KIF26B: variants seen among roughly 807,000 people sequenced by gnomAD.
KIF26B encodes kinesin family member 26B, also known as kinesin-like protein KIF26B.
KIF26B carries 63 observed loss-of-function variants against 151.2 expected under a neutral mutation model. The ratio of observed to expected loss-of-function variants is 0.42; its 90% CI spans 0.34 to 0.51. KIF26B has a LOEUF of 0.51. KIF26B is among the 20% of genes least tolerant of loss of function. KIF26B has a pLI of 0.07. For missense variants in KIF26B, 2,813 were observed against 2,913.6 expected, an observed-to-expected ratio of 0.97 and a Z score of 0.79; for synonymous variants, 1,357 against 1,262.1, an observed-to-expected ratio of 1.08 and a Z score of -1.59.
At chr1:245,643,088 A>T (rs924277811) in intron 9 of KIF26B, among the ~76,000 whole-genome samples, 1 of 152,126 alleles carries the variant, frequency 6.6e-6, no homozygotes, top group Non-Finnish European at 1.5e-5. Flanking sequence ...CCACACTTAC[A>T]CGTTTAAATG....
At chr1:245,176,258 C>G (rs903820487) in intron 2 of KIF26B, among the ~76,000 whole-genome samples, 8 of 151,300 alleles carry the variant, frequency 5.3e-5, no homozygotes, top group African/African-American at 2.0e-4. Flanking sequence ...CTCAGCCTCC[C>G]AAAGTGCTGG....
chr1:245,351,676 G>A (rs1335825484), intron 2 of KIF26B, among the ~76,000 whole-genome samples: 1 of 152,206 alleles, frequency 6.6e-6, no homozygotes, highest in Admixed American at 6.5e-5. Flanking sequence ...GGCCAAGGCT[G>A]TGACACTAGA....
At chr1:245,701,992 C>A (rs1291138807) in intron 14 of KIF26B, among the ~76,000 whole-genome samples, 5 of 152,202 alleles carry the variant, frequency 3.3e-5, no homozygotes, top group African/African-American at 9.7e-5. Context: ...GCCTGAACAT[C>A]AGGAAAGGCA....
intron 10 of KIF26B, chr1:245,676,245 G>A (rs916016178): frequency 6.6e-6 from 1 of 152,178 alleles, no homozygotes; most frequent in African/African-American, 2.4e-5. Flanking sequence ...CACTTCCTGA[G>A]CAGAACTTAA....
intron 10 of KIF26B, among the ~76,000 whole-genome samples, chr1:245,677,961 A>T (rs2044376003): frequency 6.6e-6 from 1 of 152,200 alleles, no homozygotes. Context: ...GGGATAAGGA[A>T]CTGCGGAGAT....
At position 245,488,524 on chromosome 1, in the gene KIF26B, C is replaced by G. The variant is rs891206955; in HGVS notation, c.1167-52243C>G. ...CTGAGCAGTTCCTGAAGAAACAGCC[C>G]CCGGGGAATGAACTACCCCCTCTGC... On this transcript the variant is annotated intron_variant, in intron 4 of 14. Coordinates refer to ENST00000407071, the MANE Select transcript of KIF26B (RefSeq NM_018012.4). This position sits in a 1 kb window ranked among gnomAD's most constrained non-coding sequence, Gnocchi z 4.6. Among the ~76,000 whole-genome samples the G allele has an allele frequency of 2.0e-5, 3 of 152,036 alleles. No homozygotes were observed. The highest frequency in any genetic ancestry group is 4.8e-5 in the African/African-American group (2 of 41,342).
intron 3 of KIF26B, among the ~76,000 whole-genome samples, chr1:245,411,818 C>G (rs1674292843): frequency 6.6e-6 from 1 of 152,128 alleles, no homozygotes; most frequent in South Asian, 2.1e-4. Flanking sequence ...CTTTCTCTCT[C>G]TTATGAGCAA....
At chr1:245,370,339 G>C (rs558305407) in intron 3 of KIF26B, among the ~76,000 whole-genome samples, 3 of 151,784 alleles carry the variant, frequency 2.0e-5, no homozygotes, top group African/African-American at 7.3e-5. Flanking sequence ...TCATTTATTA[G>C]GTTGGTGCAA....
rs74587457 is a variant in KIF26B, at chr1:245,365,563, C to A, written c.466-1271C>A. ...CAAACCGCCTTCAGCTCTGATGGGGCTTCTACCCCATGCAAGCTGACAGTG... is the reference window on the plus strand; with the variant it reads ...CAAACCGCCTTCAGCTCTGATGGGGATTCTACCCCATGCAAGCTGACAGTG... On this transcript the variant is annotated intron_variant, in intron 2 of 14. Coordinates refer to ENST00000407071, the MANE Select transcript of KIF26B (RefSeq NM_018012.4). Among the ~76,000 whole-genome samples the A allele has an allele frequency of 4.5e-3, 684 of 150,946 alleles. 7 individuals carry two copies. The highest frequency in any genetic ancestry group is 0.016 in the African/African-American group (650 of 40,534).
chr1:245,188,377 T>C (rs912059513), intron 2 of KIF26B, among the ~76,000 whole-genome samples: 13 of 151,068 alleles, frequency 8.6e-5, no homozygotes, highest in Admixed American at 8.6e-4. Context: ...GTGAGGCCAG[T>C]TTGGGAACCA....
chr1:245,602,283 G>A lies in KIF26B; in HGVS notation c.1351-294G>A, dbSNP rs1034879423. Among the ~76,000 whole-genome samples, 5 of 152,286 alleles carry A rather than the reference G, an allele frequency of 3.3e-5. No individual in the cohort carries two copies. Among genetic ancestry groups the A allele is most frequent in the African/African-American group, 9.6e-5 (4 of 41,564 alleles). On this transcript the variant is annotated intron_variant, in intron 5 of 14. Transcript: ENST00000407071. The surrounding 1 kb of genome is among the most constrained non-coding windows in gnomAD (Gnocchi z 4.5). ...CTTTTCATCTGTGTAATTGGGCCAC[G>A]AGGGCGCAGTTAATATTCAATTTAT...
chr1:245,250,202 G>A (rs374793269), intron 2 of KIF26B, among the ~76,000 whole-genome samples: 17 of 152,000 alleles, frequency 1.1e-4, no homozygotes, highest in African/African-American at 3.9e-4. Flanking sequence ...ACCAAAATTA[G>A]CCTCCTACAT....
chr1:245,240,415 G>A (rs192793059), intron 2 of KIF26B, among the ~76,000 whole-genome samples: 1 of 152,254 alleles, frequency 6.6e-6, no homozygotes, highest in African/African-American at 2.4e-5. Flanking sequence ...TGGGTTTGTA[G>A]AATTTGTTTT....
At chr1:245,692,606 C>T (rs886885842) in intron 12 of KIF26B, among the ~76,000 whole-genome samples, 5 of 152,048 alleles carry the variant, frequency 3.3e-5, no homozygotes, top group African/African-American at 4.8e-5. Flanking sequence ...CGCTAGCAAA[C>T]GCAAGCCACA....
At chr1:245,397,282 C>A (rs1451329715) in intron 3 of KIF26B, among the ~76,000 whole-genome samples, 1 of 151,638 alleles carries the variant, frequency 6.6e-6, no homozygotes, top group African/African-American at 2.4e-5. Flanking sequence ...ATGGCATGAT[C>A]CCAGTTTACC....
intron 9 of KIF26B, among the ~76,000 whole-genome samples, chr1:245,627,852 C>A (rs1040429603): frequency 3.3e-4 from 50 of 152,146 alleles, no homozygotes; most frequent in African/African-American, 1.1e-3. Flanking sequence ...ACTATAAACA[C>A]CTCTGTGCAA....
intron 5 of KIF26B, 85 bp downstream of exon 5, chr1:245,541,035 T>C (rs1572114681): frequency 1.8e-6 from 2 of 1,094,480 alleles, no homozygotes; most frequent in Non-Finnish European, 2.6e-6. Flanking sequence ...AGGCCTCCAA[T>C]GTATTAAAAT....
At chr1:245,402,856 G>C (rs1454510693) in intron 3 of KIF26B, among the ~76,000 whole-genome samples, 2 of 152,180 alleles carry the variant, frequency 1.3e-5, no homozygotes, top group African/African-American at 4.8e-5. Context: ...GACTTTAGAA[G>C]TATTTACACA....
intron 10 of KIF26B, among the ~76,000 whole-genome samples, chr1:245,674,453 C>CAGTA (rs2044332643): frequency 6.6e-6 from 1 of 152,214 alleles, no homozygotes; most frequent in Non-Finnish European, 1.5e-5. Flanking sequence ...TCTGCATGCT[C>CAGTA]AGTAAGTGCA....
Sources: allele counts gnomAD v4.1 joint callset (sites outside exome capture counted in the v4.1 genomes callset), GRCh38; gene constraint gnomAD v4.1.1; non-coding constraint Gnocchi (gnomAD v3.1); transcripts MANE v1.5; gene names NCBI Gene and HGNC (gene_info 2026-07-23, HGNC 2026-07-21).